The following FAM161A variants were observed in gnomAD, a reference collection of about 807,000 sequenced individuals.
The protein encoded by FAM161A is FAM161 centrosomal protein A, also known as protein FAM161A.
A neutral mutation model predicts 70.9 loss-of-function variants in FAM161A; 57 were observed. That is an observed-to-expected ratio of 0.80 (90% CI 0.65 to 1.00). FAM161A has a LOEUF of 1.00. FAM161A is among the 50% of genes least tolerant of loss of function. FAM161A has a pLI of 0.00. For missense variants in FAM161A, 880 were observed against 836.0 expected (o/e 1.05, Z -0.65); for synonymous variants, 299 against 295.7 (o/e 1.01, Z -0.12).
chr2:61,804,899 A>T, the FAM161A span, among the ~76,000 whole-genome samples: 2 of 152,054 alleles, frequency 1.3e-5, no homozygotes, highest in Non-Finnish European at 2.9e-5. Context: ...CTCCTAACAG[A>T]TCCCTGAGTT....
chr2:61,843,235 C>T (rs111360188), intron 1 of FAM161A, among the ~76,000 whole-genome samples: 8 of 152,172 alleles, frequency 5.3e-5, no homozygotes, highest in African/African-American at 1.9e-4. Context: ...CCTCTGCCTT[C>T]TCCTGCCTCA....
downstream of FAM161A, among the ~76,000 whole-genome samples, chr2:61,824,193 A>ATTTTTTTTTT (rs5831622): frequency 7.8e-6 from 1 of 127,810 alleles, no homozygotes; most frequent in Non-Finnish European, 1.6e-5. Context: ...CGCCTGGCTA[A>ATTTTTTTTTT]TTTTTTTTTT....
chr2:61,838,635 T>C lies in FAM161A; in HGVS notation c.1654A>G (p.Met552Val). The change falls in exon 4 of 7, where the codon ATG (methionine) becomes GTG (valine). Residue 552 changes from methionine (M) to valine (V), a missense_variant. Transcript: ENST00000404929. ...NRILTKQKQR[M>V]KELQKLLTTR... ...GTCAGGAGTTTCTGCAATTCTTTCA[T>C]TCTTTGCTTCTGTTTAGTTAGGATC... The C allele has an allele frequency of 3.1e-6, 5 of 1,612,026 alleles. No homozygotes were observed. The highest frequency in any genetic ancestry group is 3.4e-6 in the Non-Finnish European group (4 of 1,179,516).
chr2:61,812,123 C>T, the FAM161A span, among the ~76,000 whole-genome samples: 3 of 152,078 alleles, frequency 2.0e-5, no homozygotes, highest in Admixed American at 1.3e-4. Flanking sequence ...GAGAGGCCTT[C>T]TTGACTCTAA....
At chr2:61,818,066 T>TC in the FAM161A span, among the ~76,000 whole-genome samples, 1 of 87,946 alleles carries the variant, frequency 1.1e-5, no homozygotes, top group East Asian at 2.9e-4. Context: ...TTCAGATCCT[T>TC]TTTTTTTTTT....
At chr2:61,805,407 T>C in the FAM161A span, among the ~76,000 whole-genome samples, 1 of 152,002 alleles carries the variant, frequency 6.6e-6, no homozygotes, top group African/African-American at 2.4e-5. Flanking sequence ...TCCCAGCTAC[T>C]CGGGAGGCTG....
In FAM161A at chr2:61,827,170, T is replaced by C. The variant is rs1672398909; in HGVS notation, c.1940A>G (p.Gln647Arg). Residue 647 changes from glutamine (Q) to arginine (R), a missense_variant, in exon 6 of 7, where the codon CAA (glutamine) becomes CGA (arginine). Coordinates refer to ENST00000404929, the MANE Select transcript of FAM161A (RefSeq NM_001201543.2). ...ISDEFVSKKGQSGKVLEYFNN... is the reference protein window; with the variant it reads ...ISDEFVSKKGRSGKVLEYFNN... Reference sequence around the variant, plus strand: ...GAAGTACTCAAGTACTTTTCCACTTTGGCCTTTCTTTGAAACAAACTCATC... The same window carrying C: ...GAAGTACTCAAGTACTTTTCCACTTCGGCCTTTCTTTGAAACAAACTCATC... 6.2e-7 allele frequency: 1 copy of C among 1,613,938 alleles called. No homozygotes were observed. The highest frequency in any genetic ancestry group is 1.3e-5 in the African/African-American group (1 of 74,940).
chr2:61,844,077 A>G (rs1330353756), intron 1 of FAM161A, among the ~76,000 whole-genome samples: 1 of 152,034 alleles, frequency 6.6e-6, no homozygotes, highest in African/African-American at 2.4e-5. Context: ...TGGGAGGCAG[A>G]GCTTGCAGTG....
chr2:61,823,738 G>A (rs1672261498), downstream of FAM161A, among the ~76,000 whole-genome samples: 1 of 151,878 alleles, frequency 6.6e-6, no homozygotes, highest in African/African-American at 2.4e-5. Context: ...CCTCCAATAA[G>A]TCCCCAGGCC....
At chr2:61,836,915 G>A in intron 4 of FAM161A, 1 of 190,340 alleles carries the variant, frequency 5.3e-6, no homozygotes, top group Non-Finnish European at 1.2e-5. Flanking sequence ...GTCCAGGCTG[G>A]AGTGCAGTGG....
chr2:61,804,092 A>G, the FAM161A span, among the ~76,000 whole-genome samples: 1 of 152,282 alleles, frequency 6.6e-6, no homozygotes, highest in African/African-American at 2.4e-5. Flanking sequence ...CAAGGGGTGG[A>G]TTATTCATGC....
the FAM161A span, among the ~76,000 whole-genome samples, chr2:61,805,670 C>T: frequency 2.9e-4 from 44 of 152,120 alleles, 2 homozygotes; most frequent in Non-Finnish European, 1.5e-5. Context: ...TTGGCTTTAC[C>T]GAGCCAGGTG....
At chr2:61,842,039 A>C in intron 2 of FAM161A, 83 bp downstream of exon 2, 1 of 920,048 alleles carries the variant, frequency 1.1e-6, no homozygotes, top group Non-Finnish European at 1.8e-6. Flanking sequence ...TTAAGAGAAA[A>C]TATTATGAAG....
At chr2:61,836,644 T>C (rs1672784368) in intron 4 of FAM161A, 1 of 155,086 alleles carries the variant, frequency 6.4e-6, no homozygotes, top group African/African-American at 2.4e-5. Context: ...CAATCTCAGC[T>C]CACTGCAACT....
chr2:61,807,918 G>C, the FAM161A span, among the ~76,000 whole-genome samples: 66 of 152,300 alleles, frequency 4.3e-4, no homozygotes, highest in Non-Finnish European at 8.8e-5. Flanking sequence ...TGGGATTCCA[G>C]ATGTGAGCCA....
the FAM161A span, among the ~76,000 whole-genome samples, chr2:61,816,755 C>T: frequency 1.3e-5 from 2 of 152,288 alleles, no homozygotes; most frequent in African/African-American, 2.4e-5. Flanking sequence ...GTGTGAGCCA[C>T]GGCCCTGGCC....
downstream of FAM161A, among the ~76,000 whole-genome samples, chr2:61,824,604 T>A (rs1165530416): frequency 1.3e-5 from 2 of 152,212 alleles, no homozygotes; most frequent in East Asian, 3.8e-4. Flanking sequence ...ATTCCCATTT[T>A]TTTTTTAAAG....
the FAM161A span, among the ~76,000 whole-genome samples, chr2:61,801,710 GCCA>G: frequency 6.6e-6 from 1 of 151,844 alleles, no homozygotes; most frequent in Non-Finnish European, 1.5e-5. Context: ...ATAGACACGT[GCCA>G]CCACGCCTGG....
chr2:61,831,810 C>A (rs962644315), intron 5 of FAM161A, among the ~76,000 whole-genome samples: 2 of 152,132 alleles, frequency 1.3e-5, no homozygotes, highest in Admixed American at 1.3e-4. Flanking sequence ...TTCCAAATAG[C>A]TTTGTGCAGT....
Sources: allele counts gnomAD v4.1 joint callset (sites outside exome capture counted in the v4.1 genomes callset), GRCh38; gene constraint gnomAD v4.1.1; transcripts MANE v1.5; gene names NCBI Gene and HGNC (gene_info 2026-07-23, HGNC 2026-07-21).